Variants in CACNA2D4 observed in about 807,000 individuals in gnomAD.
CACNA2D4 encodes calcium voltage-gated channel auxiliary subunit alpha2delta 4.
CACNA2D4 carries 157 observed loss-of-function variants against 163.8 expected under a neutral mutation model. That is an observed-to-expected ratio of 0.96 (90% CI 0.84 to 1.09). CACNA2D4 has a LOEUF of 1.09. Among genes scored for constraint, CACNA2D4 ranks in the 50% least tolerant of loss-of-function variants. CACNA2D4 has a pLI of 0.00. For missense variants in CACNA2D4, 1,410 were observed against 1,479.9 expected (o/e 0.95, Z 0.78); for synonymous variants, 598 against 586.9 (o/e 1.02, Z -0.27).
chr12:1,885,351 CA>C (rs761712869), intron 9 of CACNA2D4, among the ~76,000 whole-genome samples: 68 of 152,268 alleles, frequency 4.5e-4, no homozygotes, highest in Admixed American at 1.4e-3. Context: ...AGGGGGAGGA[CA>C]GTTCTGGGAT....
chr12:1,853,921 G>T lies in CACNA2D4; in HGVS notation c.2246+30C>A, dbSNP rs373795826. The T allele has an allele frequency of 1.5e-3, 2,297 of 1,570,956 alleles. 10 individuals carry two copies. The highest frequency in any genetic ancestry group is 4.5e-3 in the South Asian group (402 of 89,068). ...CCAAGGGAATTCTGGGGGCTGGTTG[G>T]GGCCTGGGAACCTGGGAACCTGGAC... On this transcript the variant is annotated intron_variant, in intron 23 of 37. Coordinates refer to ENST00000382722, the MANE Select transcript of CACNA2D4 (RefSeq NM_172364.5).
Position 1,917,930 on chromosome 12 carries a change from C to T in CACNA2D4, c.227+317G>A. On this transcript the variant is annotated intron_variant, in intron 1 of 37. Coordinates refer to ENST00000382722, the MANE Select transcript of CACNA2D4 (RefSeq NM_172364.5). This position sits in a 1 kb window ranked among gnomAD's most constrained non-coding sequence, Gnocchi z 4.3. Reference sequence around the variant, plus strand: ...CTCAGCGATTATCCTGAAGGAGCACCCGCCCTTCAGGTGTCCCAGAAGCTG... The same window carrying T: ...CTCAGCGATTATCCTGAAGGAGCACTCGCCCTTCAGGTGTCCCAGAAGCTG... The T allele has an allele frequency of 3.3e-6, 1 of 302,772 alleles. No homozygotes were observed. The highest frequency in any genetic ancestry group is 6.1e-6 in the Non-Finnish European group (1 of 163,208). The allele number at this position is 302,772 out of a possible 1,614,324, so 18.8% of individuals were successfully genotyped here. A position where few individuals can be genotyped will look rare whatever the true frequency, so the allele number is the denominator to read the frequency against.
chr12:1,883,073 TC>T lies in CACNA2D4; in HGVS notation c.1352-74del. ...GAACCCCTCGCCAGGGCCTGCACCC[TC>T]CCCAGCTGCAGATGGCTCATAGCCG... On this transcript the variant is annotated intron_variant, in intron 12 of 37. Coordinates refer to ENST00000382722, the MANE Select transcript of CACNA2D4 (RefSeq NM_172364.5). The surrounding 1 kb of genome is among the most constrained non-coding windows in gnomAD (Gnocchi z 4.5). 1.3e-6 allele frequency: 2 copies of T among 1,491,500 alleles called. No individual in the cohort carries two copies. Among genetic ancestry groups the T allele is most frequent in the Non-Finnish European group, 1.8e-6 (2 of 1,101,238 alleles). 92.4% of individuals were successfully genotyped at this position (1,491,500 alleles called of 1,614,324 possible). A position where few individuals can be genotyped will look rare whatever the true frequency, so the allele number is the denominator to read the frequency against.
intron 22 of CACNA2D4, 44 bp downstream of exon 22, chr12:1,855,968 G>C (rs780592136): frequency 1.3e-6 from 2 of 1,488,940 alleles, no homozygotes; most frequent in South Asian, 2.3e-5. Context: ...TGAACTTCAG[G>C]GCCCCAGAGG....
At position 1,843,848 on chromosome 12, in the gene CACNA2D4, C is replaced by T. The variant is rs1395585662; in HGVS notation, c.2470+554G>A. Among the ~76,000 whole-genome samples the T allele has an allele frequency of 6.6e-6, 1 of 152,194 alleles. No individual in the cohort carries two copies. The highest frequency in any genetic ancestry group is 1.5e-5 in the Non-Finnish European group (1 of 68,036). Reference sequence around the variant, plus strand: ...GTTGCCTCATACCCCACCCTCCCCACCACCTGCCTGGCACAGCCTCTCTCT... The same window carrying T: ...GTTGCCTCATACCCCACCCTCCCCATCACCTGCCTGGCACAGCCTCTCTCT... On this transcript the variant is annotated intron_variant, in intron 25 of 37. Coordinates refer to ENST00000382722, the MANE Select transcript of CACNA2D4 (RefSeq NM_172364.5). The surrounding 1 kb of genome is among the most constrained non-coding windows in gnomAD (Gnocchi z 4.6).
At chr12:1,892,217 C>T (rs1297526798) in intron 6 of CACNA2D4, among the ~76,000 whole-genome samples, 1 of 152,168 alleles carries the variant, frequency 6.6e-6, no homozygotes, top group Non-Finnish European at 1.5e-5. Context: ...ATGGATTTCT[C>T]AGCAGAAACC....
At chr12:1,884,204 AG>A (rs1264595255) in intron 12 of CACNA2D4, 38 bp downstream of exon 12, 1 of 1,582,048 alleles carries the variant, frequency 6.3e-7, no homozygotes, top group Admixed American at 1.7e-5. Context: ...TCCTGTGCTC[AG>A]GTGCAGGTGG....
chr12:1,794,510 G>A (rs73041895), intron 37 of CACNA2D4, among the ~76,000 whole-genome samples: 1,786 of 152,292 alleles, frequency 0.012, 16 homozygotes, highest in Non-Finnish European at 0.018. Flanking sequence ...CCAATCGCAA[G>A]CCCCAGGTCT....
intron 26 of CACNA2D4, among the ~76,000 whole-genome samples, chr12:1,823,741 A>C (rs905490368): frequency 6.6e-6 from 1 of 152,250 alleles, no homozygotes; most frequent in East Asian, 1.9e-4. Context: ...ATCTCAGTCC[A>C]GCAAGTCACA....
chr12:1,861,483 C>T (rs1168175048), intron 18 of CACNA2D4, among the ~76,000 whole-genome samples: 1 of 151,420 alleles, frequency 6.6e-6, no homozygotes, highest in East Asian at 1.9e-4. Context: ...CCTCTTGTCA[C>T]CTAGGCTGGA....
intron 6 of CACNA2D4, among the ~76,000 whole-genome samples, chr12:1,900,935 G>A (rs1866522384): frequency 6.6e-6 from 1 of 152,162 alleles, no homozygotes; most frequent in Non-Finnish European, 1.5e-5. Flanking sequence ...CTCAAGGATA[G>A]AGTACATTTA....
intron 37 of CACNA2D4, among the ~76,000 whole-genome samples, chr12:1,794,312 C>T (rs1466747293): frequency 6.6e-6 from 1 of 152,172 alleles, no homozygotes; most frequent in African/African-American, 2.4e-5. Flanking sequence ...ATTTTAATGA[C>T]ACAGGGGCTC....
At chr12:1,904,369 A>G (rs1866606663) in intron 6 of CACNA2D4, among the ~76,000 whole-genome samples, 1 of 148,594 alleles carries the variant, frequency 6.7e-6, no homozygotes, top group Admixed American at 6.8e-5. Context: ...CTAAAAGAGT[A>G]TAATTGGATT....
intron 6 of CACNA2D4, among the ~76,000 whole-genome samples, chr12:1,905,097 C>CATA (rs1866626076): frequency 6.6e-6 from 1 of 151,880 alleles, no homozygotes; most frequent in Non-Finnish European, 1.5e-5. Flanking sequence ...TACACATTAA[C>CATA]ATAATGAAGG....
Position 1,875,147 on chromosome 12 carries a change from C to T in CACNA2D4, c.1806+104G>A. 2 of 802,742 alleles carry T rather than the reference C, an allele frequency of 2.5e-6. No individual in the cohort carries two copies. Among genetic ancestry groups the T allele is most frequent in the South Asian group, 1.5e-5 (1 of 65,614 alleles). 49.7% of individuals were successfully genotyped at this position (802,742 alleles called of 1,614,324 possible). A position where few individuals can be genotyped will look rare whatever the true frequency, so the allele number is the denominator to read the frequency against. Reference sequence around the variant, plus strand: ...AGGCTCTGGGATGAACCTGTTCTGCCTGACAGGAACAGAGTGACCTCAAAG... The same window carrying T: ...AGGCTCTGGGATGAACCTGTTCTGCTTGACAGGAACAGAGTGACCTCAAAG... On this transcript the variant is annotated intron_variant, in intron 17 of 37. Transcript: ENST00000382722. The surrounding 1 kb of genome is among the most constrained non-coding windows in gnomAD (Gnocchi z 4.0).
intron 6 of CACNA2D4, among the ~76,000 whole-genome samples, chr12:1,890,752 G>T (rs1866260836): frequency 6.6e-6 from 1 of 152,200 alleles, no homozygotes; most frequent in Non-Finnish European, 1.5e-5. Context: ...ACCTGACCTG[G>T]CTCTCTGTTC....
chr12:1,856,672 G>C (rs1022546407), intron 20 of CACNA2D4, among the ~76,000 whole-genome samples: 2 of 152,212 alleles, frequency 1.3e-5, no homozygotes, highest in Non-Finnish European at 2.9e-5. Flanking sequence ...TTTGAAACCA[G>C]TGATTTTGGC....
chr12:1,906,034 T>C (rs994181604), intron 6 of CACNA2D4, among the ~76,000 whole-genome samples: 1 of 152,158 alleles, frequency 6.6e-6, no homozygotes, highest in Admixed American at 6.5e-5. Flanking sequence ...CCCACATATA[T>C]GATTAAATGA....
Position 1,885,124 on chromosome 12 carries a change from A to G in CACNA2D4, c.1069-48T>C, listed in dbSNP as rs1009012424. 10 of 1,475,954 alleles carry G rather than the reference A, an allele frequency of 6.8e-6. No individual in the cohort carries two copies. The African/African-American group carries it at 9.7e-5, about 14-fold the overall frequency. The allele number at this position is 1,475,954 out of a possible 1,614,324, so 91.4% of individuals were successfully genotyped here. A position where few individuals can be genotyped will look rare whatever the true frequency, so the allele number is the denominator to read the frequency against. ...GAAGCATCAGGGGGTTGAGTGGGCC[A>G]GTGGAGCTTCATGTTTGGTGTTAAT... On this transcript the variant is annotated intron_variant, in intron 9 of 37. Coordinates refer to ENST00000382722, the MANE Select transcript of CACNA2D4 (RefSeq NM_172364.5).
Sources: gnomAD v4.1 joint callset for allele counts (sites outside exome capture counted in the v4.1 genomes callset) on GRCh38, gnomAD v4.1.1 for gene constraint, Gnocchi (gnomAD v3.1) non-coding constraint, MANE v1.5 for transcripts, NCBI Gene and HGNC (gene_info 2026-07-23, HGNC 2026-07-21) for gene names.